Variants in RGL3 observed in about 807,000 individuals in gnomAD.
RGL3 encodes the protein ral guanine nucleotide dissociation stimulator like 3.
A neutral mutation model predicts 90.6 loss-of-function variants in RGL3; 85 were observed. That is an observed-to-expected ratio of 0.94 (90% CI 0.79 to 1.12). The LOEUF is 1.12. RGL3 is among the 50% of genes most tolerant of loss of function. The probability of loss-of-function intolerance (pLI) is 0.00; values close to 1 mark genes in which losing one functional copy is unlikely to be tolerated. For synonymous variants in RGL3, 408 were observed against 385.5 expected, an observed-to-expected ratio of 1.06 and a Z score of -0.68; for missense variants, 1,034 against 939.2, an observed-to-expected ratio of 1.10 and a Z score of -1.32.
chr19:11,405,862 A>AT (rs1968768225), intron 7 of RGL3, among the ~76,000 whole-genome samples: 1 of 148,390 alleles, frequency 6.7e-6, no homozygotes, highest in Non-Finnish European at 1.5e-5. Context: ...CACCCGGCTA[A>AT]TTTTTTTGTA....
At position 11,397,617 on chromosome 19, in the gene RGL3, G is replaced by C. The variant is rs775380798; in HGVS notation, c.1747-20C>G. The C allele has an allele frequency of 3.7e-4, 568 of 1,523,470 alleles. No individual in the cohort carries two copies. The highest frequency in any genetic ancestry group is 4.4e-4 in the Non-Finnish European group (501 of 1,131,400). The allele number at this position is 1,523,470 out of a possible 1,614,324, so 94.4% of individuals were successfully genotyped here. ...GGGCAGCTGCAGGCAGTAAGGGGTG[G>C]AGGCTACAGCTTGGCCCATCTGCAG... is the stretch of plus-strand genomic sequence containing the variant. On this transcript the variant is annotated intron_variant, in intron 16 of 18. Coordinates refer to ENST00000380456, the MANE Select transcript of RGL3 (RefSeq NM_001035223.4).
chr19:11,405,355 G>T lies in RGL3; in HGVS notation c.1068C>A (p.Tyr356Ter). Residue 356 changes from tyrosine to a stop codon, truncating the protein, a stop_gained, in exon 8 of 19, where the codon TAC becomes TAA. Coordinates refer to ENST00000380456, the MANE Select transcript of RGL3 (RefSeq NM_001035223.4). LOFTEE classifies it high-confidence loss of function. ...CTGCCCCCCAGCTGCGCTTGAGCCG[G>T]TAGATGGGGTTAGATTGCAGGGCGG... ...ILSALQSNPI[Y>*]RLKRSWGAVS... is the part of the protein sequence containing the mutation. 1 of 1,612,862 alleles carries T rather than the reference G, an allele frequency of 6.2e-7. No individual in the cohort carries two copies. Among genetic ancestry groups the T allele is most frequent in the South Asian group, 1.1e-5 (1 of 90,972 alleles).
intron 7 of RGL3, among the ~76,000 whole-genome samples, chr19:11,405,816 C>T (rs927956506): frequency 5.3e-5 from 8 of 151,586 alleles, no homozygotes; most frequent in African/African-American, 1.9e-4. Flanking sequence ...CTGCCTCAGC[C>T]TCCCAAGTAG....
intron 18 of RGL3, among the ~76,000 whole-genome samples, chr19:11,395,551 T>C (rs1334910820): frequency 2.0e-5 from 3 of 152,348 alleles, no homozygotes; most frequent in East Asian, 1.9e-4. Context: ...AGGTTGAGCC[T>C]GAACAATCTC....
intron 18 of RGL3, 164 bp from the exon 19 acceptor site, chr19:11,394,684 C>A: frequency 1.7e-6 from 1 of 601,102 alleles, no homozygotes; most frequent in East Asian, 2.9e-5. Context: ...GGAACCTGGA[C>A]GACTTCTCAC....
intron 5 of RGL3, among the ~76,000 whole-genome samples, chr19:11,414,858 C>T (rs537624955): frequency 6.6e-6 from 1 of 152,114 alleles, no homozygotes; most frequent in East Asian, 1.9e-4. Context: ...GGAGGCTACG[C>T]ATGCACAATG....
At chr19:11,407,306 A>G (rs940050828) in intron 5 of RGL3, among the ~76,000 whole-genome samples, 1 of 151,972 alleles carries the variant, frequency 6.6e-6, no homozygotes, top group African/African-American at 2.4e-5. Flanking sequence ...TTAAGGATGT[A>G]ACAGCAACAG....
In RGL3 at chr19:11,397,238, G is replaced by C. The variant is rs746598665; in HGVS notation, c.2014+6C>G. 6.2e-7 allele frequency: 1 copy of C among 1,612,298 alleles called. No homozygotes were observed. The highest frequency in any genetic ancestry group is 8.5e-7 in the Non-Finnish European group (1 of 1,178,794). ...CTATCCTGAGCTCCAACCCATCCCT[G>C]CTCACCCCGGTCCCCAGGAAGGACT... On this transcript the variant is annotated splice_donor_region_variant and intron_variant, in intron 18 of 18. Coordinates refer to ENST00000380456, the MANE Select transcript of RGL3 (RefSeq NM_001035223.4).
chr19:11,417,470 CTTTTTTT>C (rs66697430), intron 2 of RGL3, among the ~76,000 whole-genome samples: 1 of 114,534 alleles, frequency 8.7e-6, no homozygotes, highest in Non-Finnish European at 1.8e-5. Flanking sequence ...CCTAGCACCA[CTTTTTTT>C]TTTTTTTTTT....
In RGL3 at chr19:11,397,375, G is replaced by GGAGGT; in HGVS notation, c.1900-22_1900-18dup. On this transcript the variant is annotated splice_polypyrimidine_tract_variant and intron_variant, in intron 17 of 18. Coordinates refer to ENST00000380456, the MANE Select transcript of RGL3 (RefSeq NM_001035223.4). ...ACTGGTCAGCTGGAAGAGAGGGGCG[G>GGAGGT]GAGGTGAGGTGAGGGCCCCGGCCCC... 1 of 1,592,886 alleles carries GGAGGT rather than the reference G, an allele frequency of 6.3e-7. No individual in the cohort carries two copies. The highest frequency in any genetic ancestry group is 8.6e-7 in the Non-Finnish European group (1 of 1,168,464).
intron 10 of RGL3, 36 bp from the exon 11 acceptor site, chr19:11,402,577 T>TA (rs1303390896): frequency 5.6e-6 from 9 of 1,610,904 alleles, no homozygotes; most frequent in Non-Finnish European, 7.6e-6. Flanking sequence ...TTGGGGCCAT[T>TA]ACTGACCCCA....
At chr19:11,406,975 G>A (rs1332905408) in intron 5 of RGL3, 111 bp from the exon 6 acceptor site, 2 of 1,159,612 alleles carry the variant, frequency 1.7e-6, no homozygotes, top group African/African-American at 1.6e-5. Flanking sequence ...TTTGTAAAAC[G>A]GAGAGCTCTC....
intron 5 of RGL3, among the ~76,000 whole-genome samples, chr19:11,414,458 TAC>T (rs1555720204): frequency 1.1e-5 from 1 of 93,514 alleles, no homozygotes; most frequent in African/African-American, 4.4e-5. Context: ...TATATATATA[TAC>T]CTTCATATAT....
chr19:11,416,068 C>A lies in RGL3; in HGVS notation c.506G>T (p.Gly169Val), dbSNP rs1259689833. 1 of 1,612,782 alleles carries A rather than the reference C, an allele frequency of 6.2e-7. No individual in the cohort carries two copies. ...FRDHPAHSDL[G>V]SVRTFLGWAA... is the part of the protein sequence containing the mutation. ...CCAGCCCAGAAAGGTTCGGACACTG[C>A]CCAGGTCCGAATGGGCAGGGTGGTC... Residue 169 changes from glycine (G) to valine (V), a missense_variant, in exon 5 of 19, where the codon GGC becomes GTC. Coordinates refer to ENST00000380456, the MANE Select transcript of RGL3 (RefSeq NM_001035223.4).
At chr19:11,400,567 C>T (rs542895065) in intron 13 of RGL3, among the ~76,000 whole-genome samples, 1 of 152,012 alleles carries the variant, frequency 6.6e-6, no homozygotes, top group South Asian at 2.1e-4. Context: ...AAGTCAGGGT[C>T]AGGACTGGGT....
intron 18 of RGL3, among the ~76,000 whole-genome samples, chr19:11,396,132 C>CTATATA (rs1214766433): frequency 3.1e-3 from 121 of 38,656 alleles, no homozygotes; most frequent in Non-Finnish European, 4.3e-3. Flanking sequence ...CTCTCTCTCT[C>CTATATA]TCTCTATATA....
chr19:11,411,663 C>T (rs1429840517), intron 5 of RGL3, among the ~76,000 whole-genome samples: 1 of 152,200 alleles, frequency 6.6e-6, no homozygotes, highest in Admixed American at 6.5e-5. Flanking sequence ...GCTCTGTCAC[C>T]TAGGCTGGAG....
intron 7 of RGL3, 59 bp from the exon 8 acceptor site, chr19:11,405,485 C>T: frequency 4.1e-6 from 1 of 244,202 alleles, no homozygotes; most frequent in South Asian, 3.1e-5. Flanking sequence ...CATCCTGAAA[C>T]TTCTTCATCT....
chr19:11,407,275 C>A (rs1968801135), intron 5 of RGL3, among the ~76,000 whole-genome samples: 1 of 152,038 alleles, frequency 6.6e-6, no homozygotes, highest in Admixed American at 6.6e-5. Context: ...TGTGAGCCAC[C>A]ACGCCTGGCC....
Sources: gnomAD v4.1 joint callset for allele counts (sites outside exome capture counted in the v4.1 genomes callset) on GRCh38, gnomAD v4.1.1 for gene constraint, MANE v1.5 for transcripts, NCBI Gene and HGNC (gene_info 2026-07-23, HGNC 2026-07-21) for gene names.